Variants in PHGDH observed in about 807,000 individuals in gnomAD.
The protein encoded by PHGDH is D-3-phosphoglycerate dehydrogenase.
In PHGDH, 50 loss-of-function variants were observed where a neutral mutation model predicts 52.6. That is an observed-to-expected ratio of 0.95 (90% CI 0.76 to 1.20). The LOEUF (loss-of-function observed/expected upper bound fraction) is 1.20. Among genes scored for constraint, PHGDH ranks in the 50% most tolerant of loss-of-function variants. The probability of loss-of-function intolerance (pLI) is 0.00; values close to 1 mark genes in which losing one functional copy is unlikely to be tolerated. For synonymous variants in PHGDH, 271 were observed against 280.5 expected (o/e 0.97, Z 0.34); for missense variants, 630 against 684.6 (o/e 0.92, Z 0.89).
At chr1:119,714,022 A>T (rs1650813804) in intron 1 of PHGDH, among the ~76,000 whole-genome samples, 1 of 152,114 alleles carries the variant, frequency 6.6e-6, no homozygotes, top group Non-Finnish European at 1.5e-5. Context: ...GCAGGAGAGG[A>T]GGAGTGTTTG....
intron 1 of PHGDH, chr1:119,713,280 C>T (rs1189569954): frequency 6.6e-6 from 1 of 152,456 alleles, no homozygotes; most frequent in East Asian, 1.9e-4. Flanking sequence ...CCTTAGACCG[C>T]AGAGGCTGCT....
intron 5 of PHGDH, among the ~76,000 whole-genome samples, chr1:119,728,070 T>A (rs1651525381): frequency 6.6e-6 from 1 of 152,160 alleles, no homozygotes; most frequent in Admixed American, 6.5e-5. Flanking sequence ...TTTACTATTA[T>A]AATGAGCCAG....
At chr1:119,736,080 A>G (rs1651922224) in intron 7 of PHGDH, among the ~76,000 whole-genome samples, 4 of 152,194 alleles carry the variant, frequency 2.6e-5, no homozygotes, top group Admixed American at 2.6e-4. Context: ...AGGAAGGGGA[A>G]AGGACATGGA....
chr1:119,742,748 AG>A lies in PHGDH; in HGVS notation c.1210-57del, dbSNP rs587617048. On this transcript the variant is annotated intron_variant, in intron 10 of 11. Transcript: ENST00000641023. ...TACCAATGGGTGATTTGGCCAAGAGAGGAGGGTGGACGTGGTGCAGCCAGGA... is the reference window on the plus strand; with the variant it reads ...TACCAATGGGTGATTTGGCCAAGAGAGAGGGTGGACGTGGTGCAGCCAGGA... 7.1e-5 allele frequency: 73 copies of A among 1,028,448 alleles called. No homozygotes were observed. The Middle Eastern group carries it at 1.4e-3, about 20-fold the overall frequency. 63.7% of individuals were successfully genotyped at this position (1,028,448 alleles called of 1,614,324 possible).
chr1:119,723,448 C>G lies in PHGDH; in HGVS notation c.356+7C>G. The G allele has an allele frequency of 6.2e-7, 1 of 1,608,342 alleles. No homozygotes were observed. On this transcript the variant is annotated splice_region_variant and intron_variant, in intron 3 of 11. Transcript: ENST00000641023. ...TGATCATGTGCCTGGCCAGGTAAGT[C>G]CCTGACTTCTCAGCAAAGCTAGTCT...
intron 1 of PHGDH, chr1:119,719,894 T>C (rs938032149): frequency 2.0e-5 from 3 of 152,238 alleles, no homozygotes; most frequent in African/African-American, 7.2e-5. Flanking sequence ...TGAGGAGCCA[T>C]GTGCTCCATC....
chr1:119,715,707 A>C (rs1178623517), intron 1 of PHGDH: 2 of 152,212 alleles, frequency 1.3e-5, no homozygotes, highest in Non-Finnish European at 2.9e-5. Flanking sequence ...GCTGAACAGC[A>C]GCTAAGGACA....
chr1:119,734,187 T>C, intron 5 of PHGDH: 1 of 292,174 alleles, frequency 3.4e-6, no homozygotes. Context: ...GGCTGTCCGC[T>C]CCCTACATGA....
intron 6 of PHGDH, 42 bp from the exon 7 acceptor site, chr1:119,735,253 C>G (rs1651878816): frequency 1.2e-6 from 2 of 1,613,484 alleles, no homozygotes; most frequent in African/African-American, 2.7e-5. Context: ...GCGTGGGGAT[C>G]CTGGTGCTGC....
intron 7 of PHGDH, 60 bp downstream of exon 7, chr1:119,735,503 A>G (rs1651891946): frequency 3.3e-6 from 5 of 1,529,768 alleles, no homozygotes; most frequent in Non-Finnish European, 4.5e-6. Flanking sequence ...AGAGAGGCCC[A>G]TGGCAGGGAA....
At chr1:119,725,412 G>C (rs1418001629) in intron 3 of PHGDH, among the ~76,000 whole-genome samples, 1 of 152,184 alleles carries the variant, frequency 6.6e-6, no homozygotes, top group Admixed American at 6.5e-5. Context: ...GGAGAGAGGG[G>C]CCAGGTGGGG....
intron 1 of PHGDH, among the ~76,000 whole-genome samples, chr1:119,713,988 T>C (rs778798007): frequency 6.6e-6 from 1 of 152,112 alleles, no homozygotes; most frequent in Non-Finnish European, 1.5e-5. Flanking sequence ...TTGGAGAACA[T>C]TTTAAAGGCG....
At chr1:119,726,052 C>T (rs1190045311) in intron 3 of PHGDH, among the ~76,000 whole-genome samples, 1 of 152,128 alleles carries the variant, frequency 6.6e-6, no homozygotes, top group Non-Finnish European at 1.5e-5. Flanking sequence ...GACCCATGCC[C>T]ACAGGACATA....
At chr1:119,719,220 CTGG>C (rs764473831) in intron 1 of PHGDH, among the ~76,000 whole-genome samples, 1 of 152,140 alleles carries the variant, frequency 6.6e-6, no homozygotes, top group East Asian at 1.9e-4. Context: ...CCTCTAAGCC[CTGG>C]GTGCCCATGT....
intron 1 of PHGDH, among the ~76,000 whole-genome samples, chr1:119,717,631 C>T (rs767986809): frequency 1.2e-4 from 19 of 152,160 alleles, no homozygotes; most frequent in Admixed American, 3.9e-4. Context: ...TTTAGTTCTT[C>T]CTTTCCGCAT....
chr1:119,716,271 C>G (rs1263782221), intron 1 of PHGDH, among the ~76,000 whole-genome samples: 1 of 152,144 alleles, frequency 6.6e-6, no homozygotes, highest in Non-Finnish European at 1.5e-5. Context: ...AGGAGTCTGA[C>G]TGGGGACTCT....
At chr1:119,736,866 AC>A (rs749449505) in intron 7 of PHGDH, among the ~76,000 whole-genome samples, 2 of 152,248 alleles carry the variant, frequency 1.3e-5, no homozygotes, top group South Asian at 4.1e-4. Flanking sequence ...CCCCCAAGGC[AC>A]CTAGGTGGTT....
At position 119,733,469 on chromosome 1, in the gene PHGDH, T is replaced by A. The variant is rs587673736; in HGVS notation, c.511-1165T>A. Among the ~76,000 whole-genome samples the A allele has an allele frequency of 2.0e-5, 3 of 149,948 alleles. No individual in the cohort carries two copies. The East Asian group carries it at 5.9e-4, about 30-fold the overall frequency. ...GATCCTCCTGCCTCAGCCTTCTGGG[T>A]GGCACAGGTGCATGCCACCAAACTT... On this transcript the variant is annotated intron_variant, in intron 5 of 11. Transcript: ENST00000641023.
rs1651843650 is a variant in PHGDH at position 119,734,510 on chromosome 1, A to G, written c.511-124A>G. 4.4e-6 allele frequency: 4 copies of G among 907,126 alleles called. No homozygotes were observed. In the East Asian group the frequency reaches 7.2e-5, roughly 16 times the overall value. 56.2% of individuals were successfully genotyped at this position (907,126 alleles called of 1,614,324 possible). A position where few individuals can be genotyped will look rare whatever the true frequency, so the allele number is the denominator to read the frequency against. ...TAGTGTATGGTAAATTAACTGGAGA[A>G]TTAATTAAGCTGAGCATGGTAGTTA... On this transcript the variant is annotated intron_variant, in intron 5 of 11. Coordinates refer to ENST00000641023, the MANE Select transcript of PHGDH (RefSeq NM_006623.4).
Sources: allele counts gnomAD v4.1 joint callset (sites outside exome capture counted in the v4.1 genomes callset), GRCh38; gene constraint gnomAD v4.1.1; transcripts MANE v1.5; gene names NCBI Gene and HGNC (gene_info 2026-07-23, HGNC 2026-07-21).